Variants in CHODL observed in about 807,000 individuals in gnomAD.
The protein encoded by CHODL is chondrolectin, also known as transmembrane protein MT75.
CHODL carries 29 observed loss-of-function variants against 34.5 expected under a neutral mutation model. The observed-to-expected ratio is 0.84, with a 90% CI of 0.63 to 1.15. The LOEUF is 1.15. Among genes scored for constraint, CHODL ranks in the 50% most tolerant of loss-of-function variants. The pLI is 0.00. For synonymous variants in CHODL, 125 were observed against 116.1 expected (o/e 1.08, Z -0.49); for missense variants, 332 against 332.5 (o/e 1.00, Z 0.01).
At chr21:18,248,423 A>C (rs1330546548) in intron 1 of CHODL, among the ~76,000 whole-genome samples, 1 of 151,268 alleles carries the variant, frequency 6.6e-6, no homozygotes, top group Non-Finnish European at 1.5e-5. Flanking sequence ...CGGGCATGAA[A>C]GGAACAAATT....
intron 2 of CHODL, among the ~76,000 whole-genome samples, chr21:18,048,828 C>T (rs2064477234): frequency 6.6e-6 from 1 of 151,862 alleles, no homozygotes; most frequent in African/African-American, 2.4e-5. Context: ...GACATCCATC[C>T]TTCTGGGGGG....
chr21:18,006,975 ACTTTT>A (rs1452576232), intron 1 of CHODL, among the ~76,000 whole-genome samples: 3 of 152,222 alleles, frequency 2.0e-5, no homozygotes, highest in Non-Finnish European at 2.9e-5. Flanking sequence ...GTAACAAAGG[ACTTTT>A]CTTTTTTCTA....
At chr21:18,007,665 A>C (rs1339785028) in intron 1 of CHODL, among the ~76,000 whole-genome samples, 3 of 152,210 alleles carry the variant, frequency 2.0e-5, no homozygotes, top group Non-Finnish European at 2.9e-5. Flanking sequence ...TCGAACTGCT[A>C]TTTGTTTTCT....
At chr21:18,036,575 C>G (rs73196646) in intron 2 of CHODL, among the ~76,000 whole-genome samples, 5,666 of 152,048 alleles carry the variant, frequency 0.037, 130 homozygotes, top group South Asian at 0.07. Context: ...AGTGGGACAG[C>G]GATAGGTCTT....
At chr21:17,946,327 G>A (rs1284414501) in intron 1 of CHODL, among the ~76,000 whole-genome samples, 1 of 152,170 alleles carries the variant, frequency 6.6e-6, no homozygotes, top group Non-Finnish European at 1.5e-5. Context: ...GCTGAGGCAG[G>A]AGAATGGCGT....
At chr21:18,091,273 G>A (rs1037986280) in intron 2 of CHODL, among the ~76,000 whole-genome samples, 1 of 152,164 alleles carries the variant, frequency 6.6e-6, no homozygotes, top group South Asian at 2.1e-4. Flanking sequence ...AAAAGCAGTC[G>A]AGGACACGTA....
intron 1 of CHODL, among the ~76,000 whole-genome samples, chr21:17,941,205 T>C (rs2146330719): frequency 6.6e-6 from 1 of 152,142 alleles, no homozygotes. Context: ...GTTCCTTTAG[T>C]TCAAAAGACA....
rs1170668749 is a variant in CHODL at position 18,101,761 on chromosome 21, A to G, written c.-45+73790A>G. ...GTCTGTACTTGTGAGTGTATAAGAA[A>G]GTTTCTCATCCATGGTAAAGAGCAT... On this transcript the variant is annotated intron_variant, in intron 2 of 6. Coordinates refer to the CHODL transcript ENST00000400127. Among the ~76,000 whole-genome samples the G allele has an allele frequency of 2.0e-5, 3 of 151,450 alleles. No individual in the cohort carries two copies. In the East Asian group the frequency reaches 5.8e-4, roughly 29 times the overall value.
chr21:18,149,271 A>G (rs371196015), intron 2 of CHODL, among the ~76,000 whole-genome samples: 2 of 152,192 alleles, frequency 1.3e-5, no homozygotes, highest in Admixed American at 6.5e-5. Flanking sequence ...GGGGGCTCAC[A>G]CTGAATGGAC....
At chr21:18,222,561 G>C (rs994801815) in intron 2 of CHODL, among the ~76,000 whole-genome samples, 1 of 152,098 alleles carries the variant, frequency 6.6e-6, no homozygotes, top group Non-Finnish European at 1.5e-5. Context: ...GGCTGCAGCT[G>C]TCTGTGGTGG....
At chr21:18,057,576 TATA>T (rs2064599127) in intron 2 of CHODL, among the ~76,000 whole-genome samples, 1 of 152,110 alleles carries the variant, frequency 6.6e-6, no homozygotes, top group Non-Finnish European at 1.5e-5. Flanking sequence ...TTGTCAAATG[TATA>T]ATGACAGGTA....
chr21:18,039,371 C>G (rs886770742), intron 2 of CHODL, among the ~76,000 whole-genome samples: 2 of 151,520 alleles, frequency 1.3e-5, no homozygotes, highest in Non-Finnish European at 3.0e-5. Context: ...GAGTAAAGGC[C>G]TTAAGGTCAA....
upstream of CHODL, among the ~76,000 whole-genome samples, chr21:18,244,136 A>G (rs983878103): frequency 6.6e-6 from 1 of 152,236 alleles, no homozygotes; most frequent in African/African-American, 2.4e-5. Flanking sequence ...CTTCTAATGT[A>G]TATCGTAGAT....
In CHODL at chr21:18,256,771, C is replaced by T. The variant is rs148388759; in HGVS notation, c.342C>T (p.Ala114=). The change falls in exon 2 of 6, where the codon GCC becomes GCT. Residue 114 remains alanine, a synonymous_variant. Coordinates refer to ENST00000299295, the MANE Select transcript of CHODL (RefSeq NM_024944.3). ...ATGGAGATGGGCAAACATCTGGTGC[C>T]TGCCCAGATCTCTACCAGTGGTCTG... ...WRNGDGQTSG[A]CPDLYQWSDG... is the part of the protein sequence containing the mutation. The T allele has an allele frequency of 6.1e-5, 98 of 1,614,044 alleles. 1 individual carries two copies. In the Middle Eastern group the frequency reaches 1.3e-3, roughly 22 times the overall value.
intron 2 of CHODL, among the ~76,000 whole-genome samples, chr21:18,166,077 G>C (rs184908003): frequency 6.6e-6 from 1 of 152,220 alleles, no homozygotes; most frequent in Non-Finnish European, 1.5e-5. Context: ...CAGCCAGGCC[G>C]CACCCTTTCT....
At chr21:18,105,398 C>T (rs2065261444) in intron 2 of CHODL, among the ~76,000 whole-genome samples, 1 of 152,156 alleles carries the variant, frequency 6.6e-6, no homozygotes, top group African/African-American at 2.4e-5. Context: ...CTTTTCAAAG[C>T]CAGGTCCTTC....
chr21:18,016,554 A>C (rs1214431428), intron 1 of CHODL, among the ~76,000 whole-genome samples: 1 of 151,494 alleles, frequency 6.6e-6, no homozygotes, highest in African/African-American at 2.5e-5. Flanking sequence ...TGCTACCTGC[A>C]GGGGTAGAGC....
At chr21:17,991,624 A>G (rs1362254099) in intron 1 of CHODL, among the ~76,000 whole-genome samples, 1 of 145,072 alleles carries the variant, frequency 6.9e-6, no homozygotes, top group Non-Finnish European at 1.5e-5. Flanking sequence ...ATGCCTATTC[A>G]TGTCTTTTGC....
At chr21:18,184,808 C>T (rs1010338293) in intron 2 of CHODL, among the ~76,000 whole-genome samples, 51 of 152,186 alleles carry the variant, frequency 3.4e-4, no homozygotes, top group African/African-American at 1.2e-3. Flanking sequence ...AACTGGTATA[C>T]AGATTCCCTA....
Sources: gnomAD v4.1 joint callset for allele counts (sites outside exome capture counted in the v4.1 genomes callset) on GRCh38, gnomAD v4.1.1 for gene constraint, MANE v1.5 for transcripts, NCBI Gene and HGNC (gene_info 2026-07-23, HGNC 2026-07-21) for gene names.